EPB41L2: variants seen among roughly 807,000 people sequenced by gnomAD.
EPB41L2 encodes erythrocyte membrane protein band 4.1 like 2, also known as band 4.1-like protein 2.
EPB41L2 carries 43 observed loss-of-function variants against 113.0 expected under a neutral mutation model. The observed-to-expected ratio is 0.38, with a 90% CI of 0.30 to 0.49. EPB41L2 has a LOEUF of 0.49. Among genes scored for constraint, EPB41L2 ranks in the 20% least tolerant of loss-of-function variants. The probability of loss-of-function intolerance (pLI) is 0.95; values close to 1 mark genes in which losing one functional copy is unlikely to be tolerated. For missense variants in EPB41L2, 1,147 were observed against 1,223.4 expected (o/e 0.94, Z 0.93); for synonymous variants, 442 against 436.7 (o/e 1.01, Z -0.15).
At chr6:130,939,008 C>T (rs533822544) in intron 3 of EPB41L2, among the ~76,000 whole-genome samples, 7 of 152,142 alleles carry the variant, frequency 4.6e-5, no homozygotes, top group Admixed American at 1.3e-4. Flanking sequence ...AGTCTAACGG[C>T]GAAAAGCACC....
chr6:131,005,845 T>C (rs912097534), intron 1 of EPB41L2, among the ~76,000 whole-genome samples: 4 of 152,152 alleles, frequency 2.6e-5, no homozygotes, highest in Non-Finnish European at 4.4e-5. Flanking sequence ...ACAACATTTT[T>C]AAATGACTAT....
At chr6:130,898,044 A>T (rs1348988996) in intron 8 of EPB41L2, among the ~76,000 whole-genome samples, 8 of 151,468 alleles carry the variant, frequency 5.3e-5, no homozygotes, top group African/African-American at 9.7e-5. Context: ...AACAAAAATG[A>T]TGCTCATAGT....
chr6:130,927,105 T>G (rs1172097637), intron 3 of EPB41L2, among the ~76,000 whole-genome samples: 1 of 152,224 alleles, frequency 6.6e-6, no homozygotes, highest in African/African-American at 2.4e-5. Flanking sequence ...TATTATTCAG[T>G]AGATCCTAAC....
chr6:130,992,065 C>T (rs1002950078), intron 1 of EPB41L2, among the ~76,000 whole-genome samples: 5 of 152,072 alleles, frequency 3.3e-5, no homozygotes, highest in Non-Finnish European at 5.9e-5. Context: ...TAGCAAATTA[C>T]ACACATGTTG....
At chr6:130,930,267 T>C (rs1420406084) in intron 3 of EPB41L2, among the ~76,000 whole-genome samples, 1 of 152,188 alleles carries the variant, frequency 6.6e-6, no homozygotes, top group African/African-American at 2.4e-5. Context: ...TAATGTATTC[T>C]ACAACAGAAT....
chr6:131,021,521 C>T (rs570671229), intron 1 of EPB41L2, among the ~76,000 whole-genome samples: 6 of 151,926 alleles, frequency 3.9e-5, no homozygotes, highest in Non-Finnish European at 5.9e-5. Flanking sequence ...ATTAGGCAGG[C>T]GTGGTGGCAG....
intron 1 of EPB41L2, among the ~76,000 whole-genome samples, chr6:131,019,895 C>T (rs754236128): frequency 6.6e-6 from 1 of 151,990 alleles, no homozygotes; most frequent in Non-Finnish European, 1.5e-5. Context: ...TAATATATTT[C>T]TATTTTCTGG....
intron 17 of EPB41L2, among the ~76,000 whole-genome samples, chr6:130,864,061 T>C (rs981234559): frequency 1.3e-5 from 2 of 152,226 alleles, no homozygotes; most frequent in African/African-American, 4.8e-5. Context: ...AAGGGAATTC[T>C]GTTATAGTTT....
chr6:130,954,349 A>G (rs1048855082), intron 3 of EPB41L2, among the ~76,000 whole-genome samples: 15 of 152,204 alleles, frequency 9.9e-5, no homozygotes, highest in Admixed American at 6.5e-4. Context: ...CACCGCACCC[A>G]GCCCTAAAAC....
chr6:130,907,306 C>T (rs944085016), intron 5 of EPB41L2, among the ~76,000 whole-genome samples: 11 of 152,178 alleles, frequency 7.2e-5, no homozygotes, highest in African/African-American at 2.7e-4. Flanking sequence ...AGTTTCAAAG[C>T]TCTGGTACTG....
intron 1 of EPB41L2, among the ~76,000 whole-genome samples, chr6:131,009,811 T>C (rs1786486536): frequency 1.3e-5 from 2 of 152,240 alleles, no homozygotes; most frequent in Non-Finnish European, 2.9e-5. Context: ...TCCCCTTTTA[T>C]GAAAATGTTT....
chr6:130,936,343 TG>T (rs1808779869), intron 3 of EPB41L2, among the ~76,000 whole-genome samples: 1 of 152,202 alleles, frequency 6.6e-6, no homozygotes, highest in South Asian at 2.1e-4. Flanking sequence ...GTAACACAAC[TG>T]GTTATAGCCA....
chr6:130,849,135 T>C (rs1270382327), intron 19 of EPB41L2, among the ~76,000 whole-genome samples: 3 of 152,134 alleles, frequency 2.0e-5, no homozygotes, highest in African/African-American at 7.2e-5. Context: ...TGACAGGCAG[T>C]AGCACTGTGG....
At chr6:131,002,351 G>A (rs1584429056) in intron 1 of EPB41L2, among the ~76,000 whole-genome samples, 1 of 152,282 alleles carries the variant, frequency 6.6e-6, no homozygotes, top group Non-Finnish European at 1.5e-5. Context: ...GTGGAGGGGA[G>A]AGAGAAGAAA....
intron 1 of EPB41L2, among the ~76,000 whole-genome samples, chr6:131,027,423 A>T (rs1023799947): frequency 3.9e-5 from 6 of 152,160 alleles, no homozygotes; most frequent in Non-Finnish European, 8.8e-5. Context: ...TCCTTTCCAC[A>T]GGGACAGGCC....
intron 12 of EPB41L2, among the ~76,000 whole-genome samples, chr6:130,883,833 G>T (rs752361100): frequency 6.6e-6 from 1 of 152,240 alleles, no homozygotes; most frequent in South Asian, 2.1e-4. Context: ...TTTAACGATG[G>T]AATGTCGATG....
At chr6:130,867,803 T>A (rs1784289896) in intron 15 of EPB41L2, 1 of 494,188 alleles carries the variant, frequency 2.0e-6, no homozygotes, top group South Asian at 2.1e-5. Context: ...CATAGATACG[T>A]ACATATATAT....
chr6:130,916,434 A>G (rs757798551), intron 4 of EPB41L2, among the ~76,000 whole-genome samples: 1 of 152,218 alleles, frequency 6.6e-6, no homozygotes. Flanking sequence ...TAGGGGGAAA[A>G]AAAAAGCTTA....
intron 19 of EPB41L2, among the ~76,000 whole-genome samples, chr6:130,848,203 A>T (rs59823786): frequency 0.074 from 4,654 of 63,314 alleles, 91 homozygotes; most frequent in African/African-American, 0.15. Context: ...TCTCTCTCAC[A>T]CACACACACA....
Sources: gnomAD v4.1 joint callset for allele counts (sites outside exome capture counted in the v4.1 genomes callset) on GRCh38, gnomAD v4.1.1 for gene constraint, MANE v1.5 for transcripts, NCBI Gene and HGNC (gene_info 2026-07-23, HGNC 2026-07-21) for gene names.